Variants in THADA observed in about 807,000 individuals in gnomAD.
The protein encoded by THADA is tRNA (32-2'-O)-methyltransferase regulator THADA.
In THADA, 213 loss-of-function variants were observed where a neutral mutation model predicts 219.8. The ratio of observed to expected loss-of-function variants is 0.97; its 90% CI spans 0.87 to 1.09. The LOEUF is 1.09. Ranked by LOEUF, THADA falls within the 50% of genes least tolerant of loss-of-function variation. THADA has a pLI of 0.00. For synonymous variants in THADA, 1,018 were observed against 828.9 expected (o/e 1.23, Z -3.92); for missense variants, 2,956 against 2,311.3 (o/e 1.28, Z -5.72).
At chr2:43,560,436 A>G in intron 15 of THADA, 51 bp from the exon 16 acceptor site, 1 of 1,372,280 alleles carries the variant, frequency 7.3e-7, no homozygotes, top group Non-Finnish European at 9.6e-7. Flanking sequence ...AAAAGAAATC[A>G]GTCTTCTGAA....
chr2:43,576,837 T>C (rs1166094650), intron 10 of THADA, among the ~76,000 whole-genome samples, 185 bp downstream of exon 10: 3 of 152,140 alleles, frequency 2.0e-5, no homozygotes, highest in Non-Finnish European at 4.4e-5. Flanking sequence ...AAAAGTTTTG[T>C]ACAGACACAG....
intron 21 of THADA, among the ~76,000 whole-genome samples, chr2:43,532,270 G>A (rs527362675): frequency 3.4e-4 from 52 of 151,694 alleles, no homozygotes; most frequent in South Asian, 1.9e-3. Flanking sequence ...AATACTAGCC[G>A]GGAGTGGCAC....
chr2:43,460,943 G>A (rs1391358083), intron 26 of THADA, among the ~76,000 whole-genome samples: 1 of 152,194 alleles, frequency 6.6e-6, no homozygotes, highest in Non-Finnish European at 1.5e-5. Context: ...CCTGTCCCAG[G>A]AGTGTGGGGA....
chr2:43,588,924 T>C (rs1418004351), intron 4 of THADA, among the ~76,000 whole-genome samples: 1 of 152,188 alleles, frequency 6.6e-6, no homozygotes, highest in African/African-American at 2.4e-5. Context: ...AATCATGTAA[T>C]ATGTACCATA....
intron 36 of THADA, among the ~76,000 whole-genome samples, chr2:43,247,543 A>T (rs770419860): frequency 4.6e-5 from 7 of 151,894 alleles, no homozygotes; most frequent in Non-Finnish European, 1.0e-4. Flanking sequence ...GGAGTTGCCA[A>T]CATGGTGAAG....
intron 28 of THADA, among the ~76,000 whole-genome samples, chr2:43,423,965 T>C (rs1378168796): frequency 3.3e-5 from 5 of 152,190 alleles, no homozygotes; most frequent in African/African-American, 7.2e-5. Flanking sequence ...GTACCTGAAC[T>C]GAAGAATGAA....
intron 25 of THADA, among the ~76,000 whole-genome samples, chr2:43,488,683 T>C (rs1360890347): frequency 6.6e-5 from 10 of 152,216 alleles, no homozygotes; most frequent in Admixed American, 6.6e-4. Flanking sequence ...TCATTTCTCA[T>C]GACTATATAC....
chr2:43,423,888 C>A (rs1261778701), intron 28 of THADA, among the ~76,000 whole-genome samples: 3 of 152,106 alleles, frequency 2.0e-5, no homozygotes, highest in Admixed American at 6.6e-5. Flanking sequence ...GAGAAGCAGG[C>A]CCTGGTGAGC....
At chr2:43,372,255 ATTAC>A (rs1670894125) in intron 29 of THADA, 1 of 152,228 alleles carries the variant, frequency 6.6e-6, no homozygotes, top group African/African-American at 2.4e-5. Flanking sequence ...TGCTAGTTTT[ATTAC>A]TTAAATATGA....
chr2:43,352,857 A>G (rs1044961218), intron 29 of THADA, among the ~76,000 whole-genome samples: 1 of 152,184 alleles, frequency 6.6e-6, no homozygotes. Context: ...CGTAATTGCT[A>G]CTTTGTATCC....
rs576969233 is a variant in THADA at position 43,455,864 on chromosome 2, C to T, written c.3837-25562G>A. ...AATAGTTACTAAGGAGGCAGGAAAT[C>T]CTTCCAGCTAACCAACTTTTACATT... On this transcript the variant is annotated intron_variant, in intron 26 of 37. Transcript: ENST00000405975. Among the ~76,000 whole-genome samples, 16 of 152,296 alleles carry T rather than the reference C, an allele frequency of 1.1e-4. No individual in the cohort carries two copies. In the South Asian group the frequency reaches 2.7e-3, roughly 26 times the overall value.
intron 26 of THADA, among the ~76,000 whole-genome samples, chr2:43,433,634 G>A (rs878992237): frequency 2.6e-5 from 4 of 152,128 alleles, no homozygotes; most frequent in Non-Finnish European, 5.9e-5. Context: ...TAAATGCAAC[G>A]CAATTCCAAT....
intron 36 of THADA, among the ~76,000 whole-genome samples, chr2:43,237,089 A>C (rs1668121153): frequency 1.3e-5 from 2 of 149,994 alleles, no homozygotes; most frequent in Admixed American, 6.7e-5. Flanking sequence ...AAAAAAAAAA[A>C]ACCAGGGAAT....
At chr2:43,311,070 G>A (rs1004916940) in intron 31 of THADA, among the ~76,000 whole-genome samples, 3 of 152,138 alleles carry the variant, frequency 2.0e-5, no homozygotes, top group African/African-American at 7.2e-5. Context: ...CAGCTACTTG[G>A]GAGGCTGAGG....
rs1682764679 is a variant in THADA, at chr2:43,454,624, C to T, written c.3837-24322G>A. ...CTAAACACACACACACACACACACA[C>T]ACACACTAAATTACACATACATGGT... is the stretch of plus-strand genomic sequence containing the variant. On this transcript the variant is annotated intron_variant, in intron 26 of 37. Transcript: ENST00000405975. Among the ~76,000 whole-genome samples the T allele has an allele frequency of 3.3e-5, 5 of 152,024 alleles. 1 individual carries two copies. The South Asian group carries it at 1.0e-3, about 32-fold the overall frequency.
chr2:43,266,758 T>C (rs1319278597), intron 36 of THADA, among the ~76,000 whole-genome samples: 1 of 152,100 alleles, frequency 6.6e-6, no homozygotes, highest in Non-Finnish European at 1.5e-5. Flanking sequence ...ACACAAAGAC[T>C]GGAAAGGCTT....
intron 29 of THADA, among the ~76,000 whole-genome samples, chr2:43,378,528 T>A (rs1671637162): frequency 6.6e-6 from 1 of 152,352 alleles, no homozygotes; most frequent in African/African-American, 2.4e-5. Context: ...AAAAACTAGA[T>A]AATCTACAAA....
intron 29 of THADA, among the ~76,000 whole-genome samples, chr2:43,355,137 C>T (rs914006464): frequency 6.6e-6 from 1 of 152,160 alleles, no homozygotes; most frequent in Non-Finnish European, 1.5e-5. Context: ...TGCTGATGGA[C>T]ACTTAGGCCT....
In THADA at chr2:43,544,052, G is replaced by C. The variant is rs554070813; in HGVS notation, c.3107-2736C>G. 4.5e-3 allele frequency among the ~76,000 whole-genome samples: 689 copies of C among 152,192 alleles called. 3 individuals carry two copies. Among genetic ancestry groups the C allele is most frequent in the South Asian group, 0.019 (93 of 4,818 alleles). ...CCGTCTTGAATTAATTTTTGTATAA[G>C]GTGTAAGGAAGGGATCCAGTTTCAG... On this transcript the variant is annotated intron_variant, in intron 20 of 37. Transcript: ENST00000405975.
Sources: allele counts gnomAD v4.1 joint callset (sites outside exome capture counted in the v4.1 genomes callset), GRCh38; gene constraint gnomAD v4.1.1; transcripts MANE v1.5; gene names NCBI Gene and HGNC (gene_info 2026-07-23, HGNC 2026-07-21).